ARHGAP15: variants seen among roughly 807,000 people sequenced by gnomAD.
ARHGAP15 encodes Rho GTPase activating protein 15.
Under a neutral mutation model 63.7 loss-of-function variants are expected in ARHGAP15, and 51 were observed. The ratio of observed to expected loss-of-function variants is 0.80; its 90% CI spans 0.64 to 1.01. The LOEUF (loss-of-function observed/expected upper bound fraction) is 1.01. Among genes scored for constraint, ARHGAP15 ranks in the 50% least tolerant of loss-of-function variants. ARHGAP15 has a pLI of 0.00. For synonymous variants in ARHGAP15, 191 were observed against 193.8 expected (o/e 0.99, Z 0.12); for missense variants, 560 against 564.6 (o/e 0.99, Z 0.08).
chr2:143,264,301 G>A (rs1033334043), intron 6 of ARHGAP15, among the ~76,000 whole-genome samples: 3 of 152,038 alleles, frequency 2.0e-5, no homozygotes, highest in Admixed American at 1.3e-4. Flanking sequence ...CCCAGCAATA[G>A]GCCAGAAGCT....
intron 3 of ARHGAP15, among the ~76,000 whole-genome samples, chr2:143,210,241 A>G (rs972162694): frequency 6.6e-6 from 1 of 152,084 alleles, no homozygotes; most frequent in Admixed American, 6.6e-5. Context: ...GAGCTATAGT[A>G]AAAGCCTCCA....
intron 13 of ARHGAP15, among the ~76,000 whole-genome samples, chr2:143,740,765 A>T (rs1463247119): frequency 1.3e-5 from 2 of 152,140 alleles, no homozygotes; most frequent in Non-Finnish European, 2.9e-5. Context: ...AAGACAATGA[A>T]ATTCTCTCAG....
intron 9 of ARHGAP15, among the ~76,000 whole-genome samples, chr2:143,495,982 G>T (rs1265434931): frequency 6.6e-6 from 1 of 152,172 alleles, no homozygotes; most frequent in East Asian, 1.9e-4. Flanking sequence ...AAAATATCTT[G>T]TAAATCTTCT....
At chr2:143,591,897 G>C (rs1379258740) in intron 11 of ARHGAP15, among the ~76,000 whole-genome samples, 2 of 151,474 alleles carry the variant, frequency 1.3e-5, no homozygotes, top group Non-Finnish European at 2.9e-5. Context: ...TGGGATTAGA[G>C]GTGTGAGCCA....
At chr2:143,272,565 A>G (rs961013333) in intron 6 of ARHGAP15, among the ~76,000 whole-genome samples, 6 of 152,190 alleles carry the variant, frequency 3.9e-5, no homozygotes, top group African/African-American at 1.4e-4. Flanking sequence ...AGGCAGGAGA[A>G]TTGCTTGATC....
At position 143,569,244 on chromosome 2, in the gene ARHGAP15, GA is replaced by G. The variant is rs777839440; in HGVS notation, c.1003+12763del. 2.6e-5 allele frequency among the ~76,000 whole-genome samples: 4 copies of G among 152,206 alleles called. No homozygotes were observed. In the South Asian group the frequency reaches 8.3e-4, roughly 32 times the overall value. Reference sequence around the variant, plus strand: ...ATTTATTCATTCAAAAATATTTCTTGAAAACCTTTTATGAACCAGGATCTCT... The same window carrying G: ...ATTTATTCATTCAAAAATATTTCTTGAAACCTTTTATGAACCAGGATCTCT... On this transcript the variant is annotated intron_variant, in intron 11 of 13. Transcript: ENST00000295095.
chr2:143,459,336 G>C (rs1690814318), intron 8 of ARHGAP15, among the ~76,000 whole-genome samples: 1 of 151,848 alleles, frequency 6.6e-6, no homozygotes. Flanking sequence ...GGTTAAATGG[G>C]GGGTGGGGGG....
At chr2:143,666,207 G>A (rs935958881) in intron 12 of ARHGAP15, among the ~76,000 whole-genome samples, 3 of 149,534 alleles carry the variant, frequency 2.0e-5, no homozygotes, top group Non-Finnish European at 4.5e-5. Context: ...CATGGTACTG[G>A]TACCAAAACA....
rs1690656290 is a variant in ARHGAP15 at position 143,168,963 on chromosome 2, T to A, written c.165+13308T>A. Reference sequence around the variant, plus strand: ...CCAAAATGTCTTTTTTGGGAGCATCTCTGCTTTACCAAATAGAAGCCTTAA... The same window carrying A: ...CCAAAATGTCTTTTTTGGGAGCATCACTGCTTTACCAAATAGAAGCCTTAA... On this transcript the variant is annotated intron_variant, in intron 2 of 13. Coordinates refer to ENST00000295095, the MANE Select transcript of ARHGAP15 (RefSeq NM_018460.4). Among the ~76,000 whole-genome samples the A allele has an allele frequency of 3.3e-5, 5 of 152,178 alleles. No individual in the cohort carries two copies. In the South Asian group the frequency reaches 1.0e-3, roughly 32 times the overall value.
At chr2:143,686,782 C>G (rs932753777) in intron 12 of ARHGAP15, among the ~76,000 whole-genome samples, 1 of 152,196 alleles carries the variant, frequency 6.6e-6, no homozygotes, top group African/African-American at 2.4e-5. Flanking sequence ...TCCAGATACA[C>G]TGACGTCCTA....
intron 11 of ARHGAP15, among the ~76,000 whole-genome samples, chr2:143,573,210 A>G (rs1304741894): frequency 1.3e-5 from 2 of 152,210 alleles, no homozygotes; most frequent in Non-Finnish European, 2.9e-5. Flanking sequence ...CTTATCTGCT[A>G]AAAGCAATGT....
rs559565672 is a variant in ARHGAP15 at position 143,500,726 on chromosome 2, C to T, written c.826+13231C>T. On this transcript the variant is annotated intron_variant, in intron 9 of 13. Coordinates refer to ENST00000295095, the MANE Select transcript of ARHGAP15 (RefSeq NM_018460.4). ...AAGTTGCCTTCATGAAGCATACAGC[C>T]GTTGAATCATGCTTTTGTTGTGATA... Among the ~76,000 whole-genome samples the T allele has an allele frequency of 9.6e-4, 146 of 152,264 alleles. 1 individual carries two copies. Among genetic ancestry groups the T allele is most frequent in the African/African-American group, 2.7e-3 (114 of 41,550 alleles).
chr2:143,223,882 A>G (rs189966052), intron 4 of ARHGAP15, among the ~76,000 whole-genome samples: 1 of 152,266 alleles, frequency 6.6e-6, no homozygotes, highest in East Asian at 1.9e-4. Flanking sequence ...ACTGGGCTTC[A>G]GTTTTCTCTT....
At chr2:143,274,475 C>G (rs570694282) in intron 6 of ARHGAP15, among the ~76,000 whole-genome samples, 33 of 152,328 alleles carry the variant, frequency 2.2e-4, no homozygotes, top group African/African-American at 7.7e-4. Flanking sequence ...TTTGTTCTTT[C>G]TGTTCAATAG....
intron 2 of ARHGAP15, among the ~76,000 whole-genome samples, chr2:143,189,356 A>G (rs1691585493): frequency 6.6e-6 from 1 of 152,128 alleles, no homozygotes; most frequent in Non-Finnish European, 1.5e-5. Flanking sequence ...TTTCAGTCAG[A>G]GGCTCATATC....
rs574173751 is a variant in ARHGAP15 at position 143,698,234 on chromosome 2, A to T, written c.1139-5185A>T. Among the ~76,000 whole-genome samples, 3 of 152,294 alleles carry T rather than the reference A, an allele frequency of 2.0e-5. No homozygotes were observed. The East Asian group carries it at 5.8e-4, about 29-fold the overall frequency. On this transcript the variant is annotated intron_variant, in intron 12 of 13. Transcript: ENST00000295095. ...TAAAGGCATGGATGATAAGGACAGA[A>T]AAGTGTCCAGGGACATTGGATCCAA...
rs528495124 is a variant in ARHGAP15 at position 143,555,085 on chromosome 2, T to C, written c.926-1323T>C. ...TTATCTCAAGTAACCCTAAAGTTTA[T>C]TACATGGAAGAGTAAAAACTATAGT... On this transcript the variant is annotated intron_variant, in intron 10 of 13. Transcript: ENST00000295095. 5.9e-5 allele frequency among the ~76,000 whole-genome samples: 9 copies of C among 152,300 alleles called. 1 individual carries two copies. The East Asian group carries it at 1.2e-3, about 20-fold the overall frequency.
At chr2:143,309,725 G>A (rs1272999893) in intron 6 of ARHGAP15, among the ~76,000 whole-genome samples, 1 of 151,950 alleles carries the variant, frequency 6.6e-6, no homozygotes, top group African/African-American at 2.4e-5. Flanking sequence ...CTTTGTTGTG[G>A]GGGCTGTCCT....
chr2:143,432,753 A>C (rs1034556623), intron 6 of ARHGAP15, among the ~76,000 whole-genome samples: 1 of 152,036 alleles, frequency 6.6e-6, no homozygotes, highest in African/African-American at 2.4e-5. Flanking sequence ...GATATGCATT[A>C]TTGACACTGC....
Sources: gnomAD v4.1 joint callset for allele counts (sites outside exome capture counted in the v4.1 genomes callset) on GRCh38, gnomAD v4.1.1 for gene constraint, MANE v1.5 for transcripts, NCBI Gene and HGNC (gene_info 2026-07-23, HGNC 2026-07-21) for gene names.